The following YWHAZ variants were observed in gnomAD, a reference collection of about 807,000 sequenced individuals.
The protein encoded by YWHAZ is 14-3-3 protein zeta/delta.
For synonymous variants in YWHAZ, 87 were observed against 103.6 expected (o/e 0.84, Z 0.97); for missense variants, 79 against 284.8 (o/e 0.28, Z 5.20).
At chr8:100,938,716 C>CAA (rs1199353500) in intron 2 of YWHAZ, among the ~76,000 whole-genome samples, 1 of 152,172 alleles carries the variant, frequency 6.6e-6, no homozygotes, top group Non-Finnish European at 1.5e-5. Flanking sequence ...CATAATCTGT[C>CAA]ACACATTAGG....
intron 1 of YWHAZ, chr8:100,951,389 G>A (rs1810762201): frequency 4.1e-6 from 4 of 982,900 alleles, no homozygotes; most frequent in South Asian, 9.4e-5. Context: ...AGCGCCCAGC[G>A]CGGAGGCTGC....
intron 2 of YWHAZ, among the ~76,000 whole-genome samples, chr8:100,940,336 A>G (rs1159350333): frequency 6.6e-6 from 1 of 152,132 alleles, no homozygotes; most frequent in East Asian, 1.9e-4. Flanking sequence ...TGTAAGTGGC[A>G]CGCTATGTAT....
At chr8:100,934,613 A>C (rs911964228) in intron 2 of YWHAZ, among the ~76,000 whole-genome samples, 1 of 151,858 alleles carries the variant, frequency 6.6e-6, no homozygotes, top group Non-Finnish European at 1.5e-5. Context: ...AGACAGAAGA[A>C]TCACTTGAAC....
Position 100,916,832 on chromosome 8 carries a change from C to G in YWHAZ, c.*3861G>C, listed in dbSNP as rs1586069391. 6.6e-6 allele frequency: 1 copy of G among 152,152 alleles called. No homozygotes were observed. The highest frequency in any genetic ancestry group is 2.1e-4 in the South Asian group (1 of 4,832). 9.4% of individuals were successfully genotyped at this position (152,152 alleles called of 1,614,324 possible). Reference sequence around the variant, plus strand: ...CAGGTCTCTCCACTTTGAAAAGGAACTAGAATCAATCAAGGAGACTGTGAC... The same window carrying G: ...CAGGTCTCTCCACTTTGAAAAGGAAGTAGAATCAATCAAGGAGACTGTGAC... On this transcript the variant is annotated 3_prime_UTR_variant, in exon 6 of 6. Transcript: ENST00000395958.
At position 100,919,449 on chromosome 8, in the gene YWHAZ, C is replaced by A. The variant is rs1476096142; in HGVS notation, c.*1244G>T. On this transcript the variant is annotated 3_prime_UTR_variant, in exon 6 of 6. Transcript: ENST00000395958. Reference sequence around the variant, plus strand: ...ACATTTTTTTCTAATCAATCCCCCCCTCTCCCAGAAAAAATAGGAACTCAT... The same window carrying A: ...ACATTTTTTTCTAATCAATCCCCCCATCTCCCAGAAAAAATAGGAACTCAT... 1 of 152,362 alleles carries A rather than the reference C, an allele frequency of 6.6e-6. No homozygotes were observed. Among genetic ancestry groups the A allele is most frequent in the East Asian group, 1.9e-4 (1 of 5,190 alleles). 9.4% of individuals were successfully genotyped at this position (152,362 alleles called of 1,614,324 possible).
At position 100,918,358 on chromosome 8, in the gene YWHAZ, AC is replaced by A. The variant is rs762519118; in HGVS notation, c.*2334del. ...ACTCTTGTCTCCAAAAAAAAAAAAA[AC>A]AACAAAAAAATTCCCACCTCTTCAG... On this transcript the variant is annotated 3_prime_UTR_variant, in exon 6 of 6. Coordinates refer to ENST00000395958, the MANE Select transcript of YWHAZ (RefSeq NM_145690.3). 6,840 of 40,998 alleles carry A rather than the reference AC, an allele frequency of 0.17. 470 individuals carry two copies. Among genetic ancestry groups the A allele is most frequent in the African/African-American group, 0.19 (3,330 of 17,284 alleles). The allele number at this position is 40,998 out of a possible 1,614,324, so 2.5% of individuals were successfully genotyped here.
rs1396583978 is a variant in YWHAZ at position 100,920,397 on chromosome 8, C to G, written c.*296G>C. On this transcript the variant is annotated 3_prime_UTR_variant, in exon 6 of 6. Transcript: ENST00000395958. Reference sequence around the variant, plus strand: ...GACATGGAAGCAGTTTTACACTGGCCCTTTTGAAGCCACAATGTACCAAAA... The same window carrying G: ...GACATGGAAGCAGTTTTACACTGGCGCTTTTGAAGCCACAATGTACCAAAA... 5.8e-6 allele frequency: 2 copies of G among 343,352 alleles called. No homozygotes were observed. The highest frequency in any genetic ancestry group is 1.1e-5 in the Non-Finnish European group (2 of 188,836). The allele number at this position is 343,352 out of a possible 1,614,324, so 21.3% of individuals were successfully genotyped here.
In YWHAZ at chr8:100,947,069, T is replaced by C. The variant is rs568847137; in HGVS notation, c.294+1527A>G. 4.5e-3 allele frequency among the ~76,000 whole-genome samples: 674 copies of C among 151,398 alleles called. 3 individuals are homozygous for C. Among genetic ancestry groups the C allele is most frequent in the Non-Finnish European group, 7.3e-3 (497 of 67,800 alleles). ...GAGATCGAGACCATCCTGGCTAACA[T>C]GGTGAAACCCCGTCTCTACTAAAAA... On this transcript the variant is annotated intron_variant, in intron 2 of 5. Coordinates refer to ENST00000395958, the MANE Select transcript of YWHAZ (RefSeq NM_145690.3).
At chr8:100,950,731 G>C (rs1426241539) in intron 1 of YWHAZ, among the ~76,000 whole-genome samples, 1 of 151,732 alleles carries the variant, frequency 6.6e-6, no homozygotes, top group Admixed American at 6.6e-5. Flanking sequence ...CGCAGAAGCG[G>C]AACCACTACC....
At chr8:100,932,866 T>TA (rs1055858620) in intron 2 of YWHAZ, among the ~76,000 whole-genome samples, 18 of 151,026 alleles carry the variant, frequency 1.2e-4, no homozygotes, top group South Asian at 4.2e-4. Flanking sequence ...TCAAGGACAT[T>TA]AAAAAAAAAG....
intron 2 of YWHAZ, among the ~76,000 whole-genome samples, chr8:100,941,613 C>T (rs1316436421): frequency 2.0e-5 from 3 of 152,114 alleles, no homozygotes; most frequent in East Asian, 3.9e-4. Flanking sequence ...GGCGAAACCC[C>T]GTCTCTACTA....
intron 5 of YWHAZ, among the ~76,000 whole-genome samples, chr8:100,921,116 C>T (rs1441089828): frequency 6.6e-6 from 1 of 152,132 alleles, no homozygotes; most frequent in East Asian, 1.9e-4. Flanking sequence ...TCAATGAACC[C>T]TCCGCCTCCC....
chr8:100,952,167 C>T, upstream of YWHAZ: 1 of 984,928 alleles, frequency 1.0e-6, no homozygotes, highest in Non-Finnish European at 1.2e-6. Context: ...GCGATCGGGG[C>T]CCCGCGTAAC....
chr8:100,931,475 A>C (rs950314737), intron 2 of YWHAZ, among the ~76,000 whole-genome samples: 2 of 152,182 alleles, frequency 1.3e-5, no homozygotes, highest in Admixed American at 6.5e-5. Flanking sequence ...AGCTGGTGGC[A>C]AGACTTTAAC....
At chr8:100,952,809 C>T, upstream of YWHAZ, 1 of 1,000,298 alleles carries the variant, frequency 1.0e-6, no homozygotes, top group Non-Finnish European at 1.2e-6. Flanking sequence ...GACCGGGGCG[C>T]GCGGCCCCTC....
chr8:100,953,153 G>T, upstream of YWHAZ: 1 of 985,888 alleles, frequency 1.0e-6, no homozygotes, highest in Non-Finnish European at 1.2e-6. Flanking sequence ...TGGCAGCCTT[G>T]ACCCGGAGAC....
At chr8:100,951,304 G>C in intron 1 of YWHAZ, 5 of 984,628 alleles carry the variant, frequency 5.1e-6, no homozygotes, top group Non-Finnish European at 6.0e-6. Flanking sequence ...TCGCGCTTGG[G>C]TCCCCGAGGC....
chr8:100,918,067 G>T lies in YWHAZ; in HGVS notation c.*2626C>A, dbSNP rs1036832410. 1 of 152,028 alleles carries T rather than the reference G, an allele frequency of 6.6e-6. No individual in the cohort carries two copies. The highest frequency in any genetic ancestry group is 2.4e-5 in the African/African-American group (1 of 41,388). 9.4% of individuals were successfully genotyped at this position (152,028 alleles called of 1,614,324 possible). A position where few individuals can be genotyped will look rare whatever the true frequency, so the allele number is the denominator to read the frequency against. On this transcript the variant is annotated 3_prime_UTR_variant, in exon 6 of 6. Transcript: ENST00000395958. The stretch of plus-strand genomic sequence containing the variant: ...TTGAATAATATCACATCTCTACTGG[G>T]CGCGGTGGCTTATGCCTGTAATCCC...
rs111710401 is a variant in YWHAZ at position 100,945,338 on chromosome 8, C to T, written c.294+3258G>A. Reference sequence around the variant, plus strand: ...ATAACCAGAATGGGTTACTAAAGAGCTCTTCAGAAAAACTCAGAACTTTGG... The same window carrying T: ...ATAACCAGAATGGGTTACTAAAGAGTTCTTCAGAAAAACTCAGAACTTTGG... On this transcript the variant is annotated intron_variant, in intron 2 of 5. Coordinates refer to ENST00000395958, the MANE Select transcript of YWHAZ (RefSeq NM_145690.3). Among the ~76,000 whole-genome samples, 630 of 152,212 alleles carry T rather than the reference C, an allele frequency of 4.1e-3. 4 individuals are homozygous for T. Among genetic ancestry groups the T allele is most frequent in the African/African-American group, 0.014 (586 of 41,530 alleles).
Sources: allele counts gnomAD v4.1 joint callset (sites outside exome capture counted in the v4.1 genomes callset), GRCh38; gene constraint gnomAD v4.1.1; transcripts MANE v1.5; gene names NCBI Gene and HGNC (gene_info 2026-07-23, HGNC 2026-07-21).